Variants in MAGI2 observed in about 807,000 individuals in gnomAD.
MAGI2 encodes membrane-associated guanylate kinase, WW and PDZ domain-containing protein 2.
Under a neutral mutation model 133.3 loss-of-function variants are expected in MAGI2, and 35 were observed. The observed-to-expected ratio is 0.26, with a 90% CI of 0.20 to 0.35. MAGI2 has a LOEUF of 0.35. MAGI2 is among the 10% of genes least tolerant of loss of function. The probability of loss-of-function intolerance (pLI) is 1.00; values close to 1 mark genes in which losing one functional copy is unlikely to be tolerated. For synonymous variants in MAGI2, 729 were observed against 710.6 expected (o/e 1.03, Z -0.41); for missense variants, 1,636 against 1,863.4 (o/e 0.88, Z 2.25).
At position 79,180,266 on chromosome 7, in the gene MAGI2, T is replaced by C. The variant is rs549285029; in HGVS notation, c.302-173060A>G. Among the ~76,000 whole-genome samples the C allele has an allele frequency of 1.7e-3, 262 of 152,088 alleles. 4 individuals are homozygous for C. The highest frequency in any genetic ancestry group is 5.7e-3 in the African/African-American group (237 of 41,438). On this transcript the variant is annotated intron_variant, in intron 1 of 21. Coordinates refer to ENST00000354212, the MANE Select transcript of MAGI2 (RefSeq NM_012301.4). Reference sequence around the variant, plus strand: ...TAAAAAGACAAAAAATAACAGATGTTGTTGAGAGTATTAGTCTGTTTTCAT... The same window carrying C: ...TAAAAAGACAAAAAATAACAGATGTCGTTGAGAGTATTAGTCTGTTTTCAT...
At chr7:79,182,257 G>A (rs1037255598) in intron 1 of MAGI2, among the ~76,000 whole-genome samples, 2 of 151,986 alleles carry the variant, frequency 1.3e-5, no homozygotes, top group Non-Finnish European at 2.9e-5. Flanking sequence ...ACAAAAGAAA[G>A]AGGTTTATTG....
chr7:78,023,923 G>A (rs1808661458), intron 21 of MAGI2, among the ~76,000 whole-genome samples: 1 of 152,196 alleles, frequency 6.6e-6, no homozygotes, highest in African/African-American at 2.4e-5. Context: ...CTTACATTGT[G>A]CTGGGTATTA....
At chr7:78,501,488 T>TC (rs1352036480) in intron 5 of MAGI2, 89 bp downstream of exon 5, 65 of 1,162,454 alleles carry the variant, frequency 5.6e-5, no homozygotes, top group East Asian at 1.5e-4. Flanking sequence ...TTTTTTCTTT[T>TC]TTTTTTTTTT....
chr7:78,155,378 C>A (rs1824287645), intron 16 of MAGI2, among the ~76,000 whole-genome samples: 1 of 152,130 alleles, frequency 6.6e-6, no homozygotes, highest in Non-Finnish European at 1.5e-5. Flanking sequence ...CTTTGGGAGG[C>A]CAAGGTGGAC....
Position 78,226,244 on chromosome 7 carries a change from G to A in MAGI2, c.2048-25051C>T, listed in dbSNP as rs75597404. On this transcript the variant is annotated intron_variant, in intron 10 of 21. Transcript: ENST00000354212. Reference sequence around the variant, plus strand: ...CAGGTCTAGGTCATAGATTCTGTGCGAATGGTGCCCCCTACCGGTGTGCAG... The same window carrying A: ...CAGGTCTAGGTCATAGATTCTGTGCAAATGGTGCCCCCTACCGGTGTGCAG... 4.8e-3 allele frequency among the ~76,000 whole-genome samples: 733 copies of A among 151,644 alleles called. 6 individuals carry two copies. The highest frequency in any genetic ancestry group is 0.017 in the African/African-American group (713 of 41,252).
At chr7:78,255,804 T>A in intron 10 of MAGI2, 139 bp downstream of exon 10, 1 of 860,744 alleles carries the variant, frequency 1.2e-6, no homozygotes, top group Non-Finnish European at 1.8e-6. Flanking sequence ...AATTCATGTT[T>A]TTCTCTCTCA....
intron 2 of MAGI2, among the ~76,000 whole-genome samples, chr7:78,795,949 T>C (rs996804415): frequency 6.6e-6 from 1 of 152,068 alleles, no homozygotes; most frequent in African/African-American, 2.4e-5. Flanking sequence ...AGAATGAAAC[T>C]AGATCCCATC....
At chr7:78,368,147 T>C (rs1340862038) in intron 7 of MAGI2, among the ~76,000 whole-genome samples, 1 of 152,170 alleles carries the variant, frequency 6.6e-6, no homozygotes, top group Admixed American at 6.6e-5. Flanking sequence ...CTGAGGGAGA[T>C]ACTCAAGGGC....
intron 2 of MAGI2, among the ~76,000 whole-genome samples, chr7:78,906,666 A>T (rs1335523246): frequency 6.6e-6 from 1 of 152,158 alleles, no homozygotes; most frequent in Non-Finnish European, 1.5e-5. Flanking sequence ...CTCTTTTATA[A>T]GTTATAAAGG....
chr7:79,294,879 G>A (rs1467256265), intron 1 of MAGI2, among the ~76,000 whole-genome samples: 9 of 150,898 alleles, frequency 6.0e-5, no homozygotes, highest in East Asian at 2.0e-4. Context: ...ACAGGCGCCC[G>A]CCACCACTCC....
intron 9 of MAGI2, among the ~76,000 whole-genome samples, chr7:78,312,378 C>T (rs181040407): frequency 5.9e-5 from 9 of 152,122 alleles, no homozygotes; most frequent in South Asian, 2.1e-4. Flanking sequence ...TGAGTATAGG[C>T]GAACTGTAAA....
intron 9 of MAGI2, among the ~76,000 whole-genome samples, chr7:78,331,341 T>C (rs1328594819): frequency 2.6e-5 from 4 of 152,048 alleles, no homozygotes; most frequent in Non-Finnish European, 5.9e-5. Context: ...CCTGCACAGG[T>C]ACCCCTGAAT....
intron 3 of MAGI2, 75 bp from the exon 4 acceptor site, chr7:78,521,720 T>G (rs1796521047): frequency 1.6e-6 from 2 of 1,235,568 alleles, no homozygotes; most frequent in Admixed American, 3.6e-5. Flanking sequence ...AGAATGGAAA[T>G]TATATTAACA....
At chr7:79,361,909 TG>T (rs1270536635) in intron 1 of MAGI2, among the ~76,000 whole-genome samples, 1 of 151,830 alleles carries the variant, frequency 6.6e-6, no homozygotes, top group Non-Finnish European at 1.5e-5. Context: ...TAAAAATATA[TG>T]GGAAGCAGCT....
chr7:79,126,068 G>C (rs1214268554), intron 1 of MAGI2, among the ~76,000 whole-genome samples: 1 of 152,162 alleles, frequency 6.6e-6, no homozygotes, highest in Non-Finnish European at 1.5e-5. Context: ...TCCAACAAAG[G>C]GTTTTAATGT....
intron 1 of MAGI2, among the ~76,000 whole-genome samples, chr7:79,306,200 CATGT>C (rs1837779181): frequency 7.1e-6 from 1 of 141,432 alleles, no homozygotes; most frequent in African/African-American, 2.7e-5. Context: ...TATATATATA[CATGT>C]ATATATATAT....
Position 78,214,891 on chromosome 7 carries a change from C to T in MAGI2, c.2048-13698G>A, listed in dbSNP as rs139135603. 4.2e-3 allele frequency among the ~76,000 whole-genome samples: 637 copies of T among 152,292 alleles called. 4 individuals are homozygous for T. The highest frequency in any genetic ancestry group is 0.015 in the African/African-American group (614 of 41,576). The stretch of plus-strand genomic sequence containing the variant: ...CTTCTCTTTCTCCCTGTTTATTTTT[C>T]GTATCCCCAGGTTCTCCTGTAGAAC... On this transcript the variant is annotated intron_variant, in intron 10 of 21. Coordinates refer to ENST00000354212, the MANE Select transcript of MAGI2 (RefSeq NM_012301.4).
intron 1 of MAGI2, among the ~76,000 whole-genome samples, chr7:79,418,469 T>C (rs943804078): frequency 6.6e-6 from 1 of 152,006 alleles, no homozygotes; most frequent in Non-Finnish European, 1.5e-5. Flanking sequence ...ACTGGATAAA[T>C]CCAAGTGATC....
intron 1 of MAGI2, among the ~76,000 whole-genome samples, chr7:79,021,250 C>T (rs1329211522): frequency 6.6e-6 from 1 of 152,196 alleles, no homozygotes; most frequent in African/African-American, 2.4e-5. Context: ...TTGGAGCCCC[C>T]ACACAGAGTC....
Sources: gnomAD v4.1 joint callset for allele counts (sites outside exome capture counted in the v4.1 genomes callset) on GRCh38, gnomAD v4.1.1 for gene constraint, MANE v1.5 for transcripts, NCBI Gene and HGNC (gene_info 2026-07-23, HGNC 2026-07-21) for gene names.